MAP2K2: variants seen among roughly 807,000 people sequenced by gnomAD.
MAP2K2 encodes mitogen-activated protein kinase kinase 2, also known as dual specificity mitogen-activated protein kinase kinase 2.
MAP2K2 carries 24 observed loss-of-function variants against 43.7 expected under a neutral mutation model. The ratio of observed to expected loss-of-function variants is 0.55; its 90% CI spans 0.40 to 0.77. The LOEUF (loss-of-function observed/expected upper bound fraction) is 0.77, where lower values mean the gene tolerates loss of function less well. Ranked by LOEUF, MAP2K2 falls within the 30% of genes least tolerant of loss-of-function variation. MAP2K2 has a pLI of 0.00. For missense variants in MAP2K2, 470 were observed against 566.8 expected (o/e 0.83, Z 1.73); for synonymous variants, 244 against 239.7 (o/e 1.02, Z -0.17).
At chr19:4,110,083 C>G (rs2041135294) in intron 3 of MAP2K2, among the ~76,000 whole-genome samples, 1 of 152,130 alleles carries the variant, frequency 6.6e-6, no homozygotes. Flanking sequence ...GCAGGTGGAT[C>G]ACCTGAGGTC....
chr19:4,109,026 G>T (rs1034978263), intron 3 of MAP2K2, among the ~76,000 whole-genome samples: 1 of 152,174 alleles, frequency 6.6e-6, no homozygotes, highest in Non-Finnish European at 1.5e-5. Flanking sequence ...TGCCTTGCTC[G>T]GGTCACATGG....
intron 3 of MAP2K2, chr19:4,102,969 C>A (rs1232099866): frequency 9.1e-7 from 1 of 1,104,972 alleles, no homozygotes; most frequent in Non-Finnish European, 1.1e-6. Context: ...CGGCGGGTCG[C>A]TGTGTGCCCG....
At chr19:4,110,755 G>C in intron 2 of MAP2K2, 100 bp from the exon 3 acceptor site, 4 of 1,307,124 alleles carry the variant, frequency 3.1e-6, no homozygotes, top group Non-Finnish European at 2.1e-6. Context: ...CAGTGGTCAA[G>C]ACCAACTCAG....
Position 4,101,273 on chromosome 19 carries a change from C to A in MAP2K2, c.536G>T (p.Arg179Leu). The change falls in exon 5 of 11, where the codon CGG (arginine) becomes CTG (leucine). Residue 179 changes from arginine (R) to leucine (L), a missense_variant. By Grantham distance (102) the Arg-to-Leu change is moderately radical (BLOSUM62 -2). Around this residue, in one of 3 missense-constraint regions of MAP2K2, gnomAD observed 200 missense variants for 297.9 expected, o/e 0.67. Coordinates refer to ENST00000262948, the MANE Select transcript of MAP2K2 (RefSeq NM_030662.4). The surrounding 1 kb of genome is among the most constrained non-coding windows in gnomAD (Gnocchi z 6.3). ...ILGKVSIAVL[R>L]GLAYLREKHQ... ...CTTCTCTCGGAGGTACGCCAAGCCC[C>A]GGAGAACCTGCAGGGGAGCGCGGAG... is the stretch of plus-strand genomic sequence containing the variant. 1 of 1,581,952 alleles carries A rather than the reference C, an allele frequency of 6.3e-7. No individual in the cohort carries two copies. Among genetic ancestry groups the A allele is most frequent in the East Asian group, 2.3e-5 (1 of 43,242 alleles).
At chr19:4,102,352 G>C (rs369288225) in intron 4 of MAP2K2, 24 bp downstream of exon 4, 1 of 1,571,422 alleles carries the variant, frequency 6.4e-7, no homozygotes, top group African/African-American at 1.3e-5. Flanking sequence ...GTGGGGGCGC[G>C]ATGTGGGTCT....
intron 3 of MAP2K2, 54 bp downstream of exon 3, chr19:4,110,455 A>G (rs1464642921): frequency 4.4e-6 from 7 of 1,605,430 alleles, no homozygotes; most frequent in Admixed American, 3.3e-5. Flanking sequence ...CTTCTCCCCA[A>G]CATGCTCTGT....
chr19:4,099,917 T>C (rs535343151), intron 6 of MAP2K2: 128 of 189,798 alleles, frequency 6.7e-4, no homozygotes, highest in South Asian at 3.0e-3. Context: ...CTAGCCAATA[T>C]GGCGAGACCC....
chr19:4,090,783 C>T, intron 10 of MAP2K2, 75 bp from the exon 11 acceptor site: 2 of 988,062 alleles, frequency 2.0e-6, no homozygotes, highest in Admixed American at 2.0e-5. Context: ...GTCTGCCCAG[C>T]CCTGGCAGAT....
rs757214638 is a variant in MAP2K2 at position 4,109,297 on chromosome 19, G to A, written c.450+1212C>T. 7.0e-4 allele frequency among the ~76,000 whole-genome samples: 106 copies of A among 152,238 alleles called. No homozygotes were observed. The Middle Eastern group carries it at 0.02, about 29-fold the overall frequency. On this transcript the variant is annotated intron_variant, in intron 3 of 10. Transcript: ENST00000262948. ...GAGGCCAGAGTGTCTTAACAAGGGG[G>A]CACGTCAGAGTCAATGAAGGGGGTG... is the stretch of plus-strand genomic sequence containing the variant.
rs570492664 is a variant in MAP2K2, at chr19:4,099,092, G to A, written c.919+109C>T. ...GACCACAGTCGGCACCATCCAGGGG[G>A]ACAGGTGGTGCGCCAGGGGCAGAGG... On this transcript the variant is annotated intron_variant, in intron 7 of 10. Coordinates refer to ENST00000262948, the MANE Select transcript of MAP2K2 (RefSeq NM_030662.4). 131 of 910,440 alleles carry A rather than the reference G, an allele frequency of 1.4e-4. No homozygotes were observed. In the East Asian group the frequency reaches 3.2e-3, roughly 22 times the overall value. 56.4% of individuals were successfully genotyped at this position (910,440 alleles called of 1,614,324 possible).
At chr19:4,098,182 G>T (rs2040948345) in intron 7 of MAP2K2, among the ~76,000 whole-genome samples, 1 of 152,206 alleles carries the variant, frequency 6.6e-6, no homozygotes, top group East Asian at 1.9e-4. Context: ...TGCGCTCCAG[G>T]AGAGAAGCCA....
At position 4,123,807 on chromosome 19, in the gene MAP2K2, G is replaced by A; in HGVS notation, c.69C>T (p.Ser23=). Residue 23 remains serine, a synonymous_variant, in exon 1 of 11, where the codon TCC becomes TCT. Transcript: ENST00000262948. ...TINPTIAEGP[S]PTSEGASEAN... ...ACTCGGAGGCGCCCTCGCTGGTAGG[G>A]GATGGGCCCTCGGCGATGGTAGGGT... is the stretch of plus-strand genomic sequence containing the variant. 1 of 1,566,106 alleles carries A rather than the reference G, an allele frequency of 6.4e-7. No individual in the cohort carries two copies. The highest frequency in any genetic ancestry group is 8.6e-7 in the Non-Finnish European group (1 of 1,161,000).
chr19:4,092,987 T>A (rs2040868446), intron 10 of MAP2K2, among the ~76,000 whole-genome samples: 3 of 151,994 alleles, frequency 2.0e-5, no homozygotes, highest in Admixed American at 6.6e-5. Flanking sequence ...GGCAGGCAGA[T>A]CACCTGAGGT....
At position 4,117,443 on chromosome 19, in the gene MAP2K2, G is replaced by C. The variant is rs1060504778; in HGVS notation, c.279C>G (p.Pro93=). ...CCTTCCTGGCCATGATGAGGCCCGAGGGTCTGTGCTGGACTTTGGTGACCA... is the reference window on the plus strand; with the variant it reads ...CCTTCCTGGCCATGATGAGGCCCGACGGTCTGTGCTGGACTTTGGTGACCA... ...GGVVTKVQHR[P]SGLIMARKLI... Residue 93 remains proline (P), a synonymous_variant, in exon 2 of 11, where the codon CCC becomes CCG. Coordinates refer to ENST00000262948, the MANE Select transcript of MAP2K2 (RefSeq NM_030662.4). The C allele has an allele frequency of 2.5e-6, 4 of 1,613,770 alleles. No individual in the cohort carries two copies. Among genetic ancestry groups the C allele is most frequent in the South Asian group, 1.1e-5 (1 of 91,070 alleles).
At chr19:4,123,144 A>T (rs1040878659) in intron 1 of MAP2K2, among the ~76,000 whole-genome samples, 3 of 149,320 alleles carry the variant, frequency 2.0e-5, no homozygotes, top group Non-Finnish European at 4.5e-5. Flanking sequence ...TCATTTCACT[A>T]CTCAAGGACC....
intron 1 of MAP2K2, among the ~76,000 whole-genome samples, chr19:4,119,359 T>G (rs1334078060): frequency 6.6e-6 from 1 of 152,118 alleles, no homozygotes; most frequent in African/African-American, 2.4e-5. Context: ...GTAGCTGGAA[T>G]TACAAGCACC....
intron 3 of MAP2K2, chr19:4,104,901 C>G (rs969919226): frequency 7.9e-5 from 12 of 152,364 alleles, no homozygotes; most frequent in African/African-American, 2.7e-4. Flanking sequence ...AGTAGCGTCC[C>G]TGGCCTCCAT....
Position 4,090,525 on chromosome 19 carries a change from T to C in MAP2K2, c.*73A>G, listed in dbSNP as rs2040844660. On this transcript the variant is annotated 3_prime_UTR_variant, in exon 11 of 11. Coordinates refer to ENST00000262948, the MANE Select transcript of MAP2K2 (RefSeq NM_030662.4). Reference sequence around the variant, plus strand: ...GGTGGGTGGAGGCGCCAGCCTGTCCTCAGCTGGAAGGGCGGGGCATGGACA... The same window carrying C: ...GGTGGGTGGAGGCGCCAGCCTGTCCCCAGCTGGAAGGGCGGGGCATGGACA... The C allele has an allele frequency of 7.6e-7, 1 of 1,307,942 alleles. No homozygotes were observed. Among genetic ancestry groups the C allele is most frequent in the Admixed American group, 2.0e-5 (1 of 50,624 alleles). 81.0% of individuals were successfully genotyped at this position (1,307,942 alleles called of 1,614,324 possible).
At position 4,117,727 on chromosome 19, in the gene MAP2K2, G is replaced by A. The variant is rs558160082; in HGVS notation, c.93-98C>T. On this transcript the variant is annotated intron_variant, in intron 1 of 10. Transcript: ENST00000262948. ...GTGCATCGGCCCCCAGGAGGACACA[G>A]ACTGGATTCCTGCACTTGAGGGGTT... The A allele has an allele frequency of 9.5e-5, 102 of 1,074,346 alleles. No individual in the cohort carries two copies. In the African/African-American group the frequency reaches 1.5e-3, roughly 16 times the overall value. 66.6% of individuals were successfully genotyped at this position (1,074,346 alleles called of 1,614,324 possible).
Sources: allele counts gnomAD v4.1 joint callset (sites outside exome capture counted in the v4.1 genomes callset), GRCh38; gene constraint gnomAD v4.1.1; regional missense constraint gnomAD v4.1.1; non-coding constraint Gnocchi (gnomAD v3.1); transcripts MANE v1.5; gene names NCBI Gene and HGNC (gene_info 2026-07-23, HGNC 2026-07-21).